Variants in RHOU observed in about 807,000 individuals in gnomAD.
The protein encoded by RHOU is ras homolog family member U.
Under a neutral mutation model 12.6 loss-of-function variants are expected in RHOU, and 8 were observed. The ratio of observed to expected loss-of-function variants is 0.64; its 90% CI spans 0.37 to 1.15. RHOU has a LOEUF of 1.15. Among genes scored for constraint, RHOU ranks in the 50% most tolerant of loss-of-function variants. The probability of loss-of-function intolerance (pLI) is 0.01; values close to 1 mark genes in which losing one functional copy is unlikely to be tolerated. For synonymous variants in RHOU, 161 were observed against 147.4 expected (o/e 1.09, Z -0.67); for missense variants, 258 against 347.0 (o/e 0.74, Z 2.04).
At chr1:228,666,337 C>A in the RHOU span, among the ~76,000 whole-genome samples, 1 of 151,992 alleles carries the variant, frequency 6.6e-6, no homozygotes, top group Non-Finnish European at 1.5e-5. Flanking sequence ...CATGAGGTAC[C>A]TAGTGATGTT....
the RHOU span, among the ~76,000 whole-genome samples, chr1:228,673,681 G>T: frequency 6.6e-6 from 1 of 152,056 alleles, no homozygotes; most frequent in South Asian, 2.1e-4. Context: ...TTCACCTTCC[G>T]CCATAATGTA....
upstream of RHOU, among the ~76,000 whole-genome samples, chr1:228,732,505 T>C (rs1236520954): frequency 6.6e-6 from 1 of 152,214 alleles, no homozygotes; most frequent in East Asian, 1.9e-4. Context: ...GTAGGCATTC[T>C]GTCATCTCTC....
chr1:228,650,749 G>C, the RHOU span: 1 of 445,646 alleles, frequency 2.2e-6, no homozygotes, highest in Non-Finnish European at 4.4e-6. Flanking sequence ...CTTATGATCA[G>C]GGTGGTCCAG....
chr1:228,677,424 T>G, the RHOU span, among the ~76,000 whole-genome samples: 1 of 152,188 alleles, frequency 6.6e-6, no homozygotes, highest in Admixed American at 6.5e-5. Flanking sequence ...ATCCTTGAGT[T>G]TTTTTTATGT....
the RHOU span, among the ~76,000 whole-genome samples, chr1:228,727,197 C>T: frequency 6.6e-6 from 1 of 152,204 alleles, no homozygotes; most frequent in Admixed American, 6.5e-5. Context: ...AATCAAATTC[C>T]TTTAATGATC....
chr1:228,695,806 C>T, the RHOU span, among the ~76,000 whole-genome samples: 1 of 152,066 alleles, frequency 6.6e-6, no homozygotes, highest in African/African-American at 2.4e-5. Context: ...ATTATGTGGG[C>T]GTGATTGATT....
the RHOU span, among the ~76,000 whole-genome samples, chr1:228,686,726 T>C: frequency 6.6e-6 from 1 of 152,116 alleles, no homozygotes; most frequent in East Asian, 1.9e-4. Flanking sequence ...GCCTTGATAA[T>C]CCCAACCAAA....
the RHOU span, among the ~76,000 whole-genome samples, chr1:228,711,405 A>G: frequency 6.6e-6 from 1 of 152,210 alleles, no homozygotes; most frequent in African/African-American, 2.4e-5. Flanking sequence ...TTGACTTCAA[A>G]CTATACTACA....
chr1:228,693,710 CCCT>C, the RHOU span, among the ~76,000 whole-genome samples: 1 of 152,274 alleles, frequency 6.6e-6, no homozygotes, highest in East Asian at 1.9e-4. Context: ...TCATGATCGG[CCCT>C]CCTTGGCCTC....
chr1:228,720,918 C>T, the RHOU span, among the ~76,000 whole-genome samples: 1 of 152,192 alleles, frequency 6.6e-6, no homozygotes, highest in African/African-American at 2.4e-5. Flanking sequence ...CCAGCGCTTT[C>T]CCCTAAAGAA....
the RHOU span, among the ~76,000 whole-genome samples, chr1:228,671,098 G>A: frequency 1.3e-5 from 2 of 152,052 alleles, no homozygotes; most frequent in Non-Finnish European, 2.9e-5. Context: ...TCCACCTCCC[G>A]GGTTCAAGTG....
the RHOU span, chr1:228,687,888 C>T: frequency 1.2e-6 from 1 of 860,624 alleles, no homozygotes; most frequent in Non-Finnish European, 2.0e-6. Flanking sequence ...AGAGTTATCC[C>T]TTTCTAACAT....
chr1:228,706,220 A>C, the RHOU span, among the ~76,000 whole-genome samples: 1 of 152,200 alleles, frequency 6.6e-6, no homozygotes, highest in Non-Finnish European at 1.5e-5. Context: ...CTTGTTGGTC[A>C]CTGGAGCCTC....
the RHOU span, among the ~76,000 whole-genome samples, chr1:228,729,926 T>TG: frequency 6.6e-6 from 1 of 152,224 alleles, no homozygotes; most frequent in Non-Finnish European, 1.5e-5. Context: ...CAACCAACCA[T>TG]GTGGTCTGAG....
the RHOU span, among the ~76,000 whole-genome samples, chr1:228,647,128 G>T: frequency 6.6e-6 from 1 of 152,158 alleles, no homozygotes; most frequent in Admixed American, 6.5e-5. Flanking sequence ...GTCCGGAATA[G>T]GGTGGAGGGG....
chr1:228,659,436 A>G, the RHOU span, among the ~76,000 whole-genome samples: 1 of 152,100 alleles, frequency 6.6e-6, no homozygotes, highest in Non-Finnish European at 1.5e-5. Flanking sequence ...AGCAACCTAA[A>G]TTTACAATTT....
chr1:228,695,000 C>T, the RHOU span, among the ~76,000 whole-genome samples: 1 of 152,052 alleles, frequency 6.6e-6, no homozygotes, highest in Non-Finnish European at 1.5e-5. Flanking sequence ...GACAAGGTAT[C>T]ACTTTATCAT....
the RHOU span, among the ~76,000 whole-genome samples, chr1:228,672,331 T>G: frequency 6.6e-6 from 1 of 152,110 alleles, no homozygotes; most frequent in East Asian, 1.9e-4. Flanking sequence ...ACAGCTGATT[T>G]TTTGTATTTT....
At chr1:228,656,481 A>C in the RHOU span, among the ~76,000 whole-genome samples, 1 of 152,218 alleles carries the variant, frequency 6.6e-6, no homozygotes, top group Non-Finnish European at 1.5e-5. Context: ...TGCATAAGAA[A>C]CAATTTAGTC....
Sources: allele counts gnomAD v4.1 joint callset (sites outside exome capture counted in the v4.1 genomes callset), GRCh38; gene constraint gnomAD v4.1.1; transcripts MANE v1.5; gene names NCBI Gene and HGNC (gene_info 2026-07-23, HGNC 2026-07-21).